The following QTMAN variants were observed in gnomAD, a reference collection of about 807,000 sequenced individuals.
QTMAN encodes the protein queuosine-tRNA mannosyltransferase.
chr2:144,101,070 A>G, the QTMAN span, among the ~76,000 whole-genome samples: 300 of 151,888 alleles, frequency 2.0e-3, 1 homozygote, highest in African/African-American at 6.3e-3. Context: ...GGGTTTCACC[A>G]TGTTAGCCAG....
the QTMAN span, among the ~76,000 whole-genome samples, chr2:144,267,232 CAAG>C: frequency 6.6e-6 from 1 of 152,042 alleles, no homozygotes; most frequent in Non-Finnish European, 1.5e-5. Flanking sequence ...AAATGCTAAA[CAAG>C]AAGAACTAAA....
chr2:144,069,297 CAAAAAA>C, the QTMAN span, among the ~76,000 whole-genome samples: 3 of 85,500 alleles, frequency 3.5e-5, no homozygotes, highest in Non-Finnish European at 8.1e-5. Flanking sequence ...GAATCTTTTA[CAAAAAA>C]AAAAAAAAAA....
chr2:144,188,008 A>C, the QTMAN span, among the ~76,000 whole-genome samples: 1 of 152,228 alleles, frequency 6.6e-6, no homozygotes, highest in South Asian at 2.1e-4. Flanking sequence ...AAGAATGTCA[A>C]GGATTTGGAG....
At chr2:144,193,881 C>A in the QTMAN span, among the ~76,000 whole-genome samples, 20 of 152,158 alleles carry the variant, frequency 1.3e-4, no homozygotes, top group African/African-American at 4.1e-4. Context: ...GATACCAGAA[C>A]TGAAATAGTT....
the QTMAN span, among the ~76,000 whole-genome samples, chr2:144,016,568 A>G: frequency 6.6e-6 from 1 of 152,210 alleles, no homozygotes; most frequent in African/African-American, 2.4e-5. Context: ...CTCCTATAGT[A>G]TCAATAAAGC....
At chr2:144,047,906 GTTA>G in the QTMAN span, among the ~76,000 whole-genome samples, 1 of 152,186 alleles carries the variant, frequency 6.6e-6, no homozygotes, top group Non-Finnish European at 1.5e-5. Context: ...CTTGCAAAAA[GTTA>G]TTATTTAACT....
the QTMAN span, among the ~76,000 whole-genome samples, chr2:144,083,712 C>T: frequency 2.6e-5 from 4 of 152,154 alleles, no homozygotes; most frequent in African/African-American, 9.6e-5. Context: ...GTGCCTATCC[C>T]AGGTGGACAT....
chr2:143,986,377 T>C, the QTMAN span, among the ~76,000 whole-genome samples: 1 of 152,228 alleles, frequency 6.6e-6, no homozygotes, highest in Non-Finnish European at 1.5e-5. Flanking sequence ...TACAAGATAT[T>C]GGAATACGTT....
chr2:143,970,648 G>A, the QTMAN span: 10 of 1,453,222 alleles, frequency 6.9e-6, no homozygotes, highest in South Asian at 9.1e-5. Flanking sequence ...ATTCAACAGA[G>A]GTACCTGGGA....
At chr2:144,319,484 A>G in the QTMAN span, among the ~76,000 whole-genome samples, 1 of 152,168 alleles carries the variant, frequency 6.6e-6, no homozygotes, top group Non-Finnish European at 1.5e-5. Flanking sequence ...GAATGATAAT[A>G]TAATACACAT....
At chr2:144,239,265 G>A in the QTMAN span, among the ~76,000 whole-genome samples, 1 of 151,980 alleles carries the variant, frequency 6.6e-6, no homozygotes, top group Non-Finnish European at 1.5e-5. Flanking sequence ...AAAAATAAAT[G>A]TTTGGAAGTC....
At chr2:144,092,177 CTTT>C in the QTMAN span, among the ~76,000 whole-genome samples, 3 of 143,408 alleles carry the variant, frequency 2.1e-5, no homozygotes, top group Admixed American at 7.0e-5. Context: ...AATTGTACAT[CTTT>C]TTTTTTTTTT....
chr2:144,039,448 C>T, the QTMAN span, among the ~76,000 whole-genome samples: 5 of 151,988 alleles, frequency 3.3e-5, no homozygotes, highest in South Asian at 8.3e-4. Context: ...GGTTTCTAGG[C>T]GGGGGAGTTT....
At chr2:143,946,986 G>T in the QTMAN span, 1 of 1,123,666 alleles carries the variant, frequency 8.9e-7, no homozygotes, top group African/African-American at 1.5e-5. Flanking sequence ...AGGTAAATAT[G>T]GGCACACTCT....
chr2:144,176,020 T>C, the QTMAN span, among the ~76,000 whole-genome samples: 9 of 152,112 alleles, frequency 5.9e-5, no homozygotes, highest in African/African-American at 2.2e-4. Flanking sequence ...TGATGAGAAC[T>C]TCAATATTAT....
the QTMAN span, among the ~76,000 whole-genome samples, chr2:144,102,114 T>C: frequency 4.3e-4 from 66 of 152,360 alleles, no homozygotes; most frequent in Admixed American, 4.2e-3. Context: ...AATGGTCTGG[T>C]AAATGACAGA....
chr2:143,963,119 C>G, the QTMAN span, among the ~76,000 whole-genome samples: 1 of 152,000 alleles, frequency 6.6e-6, no homozygotes, highest in Non-Finnish European at 1.5e-5. Flanking sequence ...AGTTATTTAA[C>G]TAAAGCCTTA....
the QTMAN span, among the ~76,000 whole-genome samples, chr2:144,008,186 A>G: frequency 6.6e-6 from 1 of 152,126 alleles, no homozygotes; most frequent in Non-Finnish European, 1.5e-5. Flanking sequence ...CACATAATAC[A>G]AATAGAGGGG....
the QTMAN span, among the ~76,000 whole-genome samples, chr2:144,174,685 A>G: frequency 1.3e-5 from 2 of 152,152 alleles, no homozygotes; most frequent in Non-Finnish European, 2.9e-5. Flanking sequence ...ATGACAGTGA[A>G]TAAGTCTCAT....
Sources: gnomAD v4.1 joint callset for allele counts (sites outside exome capture counted in the v4.1 genomes callset) on GRCh38, gnomAD v4.1.1 for gene constraint, MANE v1.5 for transcripts, NCBI Gene and HGNC (gene_info 2026-07-23, HGNC 2026-07-21) for gene names.